The following MCPH1 variants were observed in gnomAD, a reference collection of about 807,000 sequenced individuals.
MCPH1 encodes the protein microcephalin.
A neutral mutation model predicts 84.5 loss-of-function variants in MCPH1; 104 were observed. The observed-to-expected ratio is 1.23, with a 90% CI of 1.05 to 1.45. The LOEUF (loss-of-function observed/expected upper bound fraction) is 1.45, where lower values mean the gene tolerates loss of function less well. Ranked by LOEUF, MCPH1 falls within the 40% of genes most tolerant of loss-of-function variation. The pLI is 0.00. For missense variants in MCPH1, 1,498 were observed against 1,005.7 expected, an observed-to-expected ratio of 1.49 and a Z score of -6.62; for synonymous variants, 514 against 366.8, an observed-to-expected ratio of 1.40 and a Z score of -4.58.
intron 11 of MCPH1, among the ~76,000 whole-genome samples, chr8:6,497,241 G>C (rs1811336942): frequency 1.3e-5 from 2 of 151,848 alleles, no homozygotes; most frequent in South Asian, 4.1e-4. Context: ...AACACGTTGA[G>C]AGGCCGAAGC....
chr8:6,502,068 A>G (rs1359581068), intron 12 of MCPH1: 1 of 152,112 alleles, frequency 6.6e-6, no homozygotes, highest in Non-Finnish European at 1.5e-5. Flanking sequence ...TCTCAACCAG[A>G]AATTAAATTG....
intron 12 of MCPH1, chr8:6,615,968 G>A (rs779799083): frequency 1.3e-5 from 2 of 152,210 alleles, no homozygotes; most frequent in Non-Finnish European, 2.9e-5. Context: ...CGAGGAGGGT[G>A]TGAGTAGATT....
chr8:6,575,063 G>A (rs116587051), intron 12 of MCPH1, among the ~76,000 whole-genome samples: 1,534 of 152,268 alleles, frequency 0.01, 26 homozygotes, highest in African/African-American at 0.035. Context: ...GGGAGAGCTA[G>A]CAGAGAGGCA....
At chr8:6,520,088 T>A in intron 12 of MCPH1, 4 of 1,425,436 alleles carry the variant, frequency 2.8e-6, no homozygotes, top group Non-Finnish European at 3.8e-6. Context: ...TTTATTACTT[T>A]GGAATTCTTA....
rs958990157 is a variant in MCPH1 at position 6,645,709 on chromosome 8, C to G, written c.*2660C>G. On this transcript the variant is annotated 3_prime_UTR_variant, in exon 14 of 14. Transcript: ENST00000344683. The stretch of plus-strand genomic sequence containing the variant: ...TCCTAAAGATTATATACAAACCTAA[C>G]AGAATTGTATTTATATATACTGTCA... The G allele has an allele frequency of 2.7e-5, 4 of 146,002 alleles. No individual in the cohort carries two copies. The highest frequency in any genetic ancestry group is 1.0e-4 in the African/African-American group (4 of 39,176). 9.0% of individuals were successfully genotyped at this position (146,002 alleles called of 1,614,324 possible). A position where few individuals can be genotyped will look rare whatever the true frequency, so the allele number is the denominator to read the frequency against.
intron 5 of MCPH1, 64 bp downstream of exon 5, chr8:6,436,226 G>C: frequency 6.5e-7 from 1 of 1,530,826 alleles, no homozygotes; most frequent in South Asian, 1.1e-5. Flanking sequence ...TAATTTGCAT[G>C]ATGACTAGTG....
intron 11 of MCPH1, 70 bp downstream of exon 11, chr8:6,480,946 C>A: frequency 6.4e-7 from 1 of 1,556,924 alleles, no homozygotes; most frequent in Non-Finnish European, 8.8e-7. Context: ...CCTGAGGTGC[C>A]GACATCAGCA....
At chr8:6,617,552 G>A (rs1156356272) in intron 12 of MCPH1, among the ~76,000 whole-genome samples, 4 of 152,028 alleles carry the variant, frequency 2.6e-5, no homozygotes, top group East Asian at 1.9e-4. Flanking sequence ...CCGAGCCATC[G>A]TTCCCCAACT....
At chr8:6,604,501 C>G (rs944378523) in intron 12 of MCPH1, among the ~76,000 whole-genome samples, 1 of 150,968 alleles carries the variant, frequency 6.6e-6, no homozygotes, top group East Asian at 2.4e-4. Flanking sequence ...CTCCAGCCTA[C>G]GTTTGCTGTT....
At chr8:6,613,415 G>A (rs1450511118) in intron 12 of MCPH1, among the ~76,000 whole-genome samples, 1 of 152,168 alleles carries the variant, frequency 6.6e-6, no homozygotes, top group Non-Finnish European at 1.5e-5. Flanking sequence ...GTTTGACTCA[G>A]TCTGACGTGG....
Position 6,644,870 on chromosome 8 carries a change from T to C in MCPH1, c.*1821T>C, listed in dbSNP as rs905992008. ...GCATTGTATAGGAATTGGCATTCTA[T>C]AGAAAACCACAGAAACTGGAAATAA... On this transcript the variant is annotated 3_prime_UTR_variant, in exon 14 of 14. Coordinates refer to ENST00000344683, the MANE Select transcript of MCPH1 (RefSeq NM_024596.5). 2.0e-5 allele frequency: 3 copies of C among 152,210 alleles called. No individual in the cohort carries two copies. The highest frequency in any genetic ancestry group is 7.2e-5 in the African/African-American group (3 of 41,462). The allele number at this position is 152,210 out of a possible 1,614,324, so 9.4% of individuals were successfully genotyped here.
In MCPH1 at chr8:6,479,417, T is replaced by G. The variant is rs1586015727; in HGVS notation, c.1974-1297T>G. On this transcript the variant is annotated intron_variant, in intron 10 of 13. Coordinates refer to ENST00000344683, the MANE Select transcript of MCPH1 (RefSeq NM_024596.5). ...ATTTCTTTTTCTATTTATTTATTTA[T>G]TTATTTATTTATTTATTTATTTATT... is the stretch of plus-strand genomic sequence containing the variant. 3.4e-5 allele frequency among the ~76,000 whole-genome samples: 5 copies of G among 146,384 alleles called. No individual in the cohort carries two copies. The South Asian group carries it at 1.1e-3, about 32-fold the overall frequency.
intron 3 of MCPH1, among the ~76,000 whole-genome samples, chr8:6,418,781 C>A (rs1233665424): frequency 6.6e-6 from 1 of 152,030 alleles, no homozygotes; most frequent in Non-Finnish European, 1.5e-5. Context: ...GGGGTTTCAC[C>A]ATGTTGGCCA....
At chr8:6,527,166 A>G (rs1041999701) in intron 12 of MCPH1, among the ~76,000 whole-genome samples, 3 of 152,178 alleles carry the variant, frequency 2.0e-5, no homozygotes, top group Admixed American at 2.0e-4. Flanking sequence ...GTATTTTTAT[A>G]ATAGATTAGC....
At chr8:6,497,870 A>G (rs1462231642) in intron 11 of MCPH1, among the ~76,000 whole-genome samples, 1 of 152,244 alleles carries the variant, frequency 6.6e-6, no homozygotes, top group Non-Finnish European at 1.5e-5. Flanking sequence ...ACATAGGTAC[A>G]TTAAGTTGAA....
intron 11 of MCPH1, among the ~76,000 whole-genome samples, chr8:6,495,839 T>C (rs1277580400): frequency 6.6e-6 from 1 of 152,224 alleles, no homozygotes; most frequent in Non-Finnish European, 1.5e-5. Context: ...ACTTTTGAAC[T>C]GTTTGAAATC....
chr8:6,589,943 G>C (rs868462851), intron 12 of MCPH1, among the ~76,000 whole-genome samples: 2 of 152,170 alleles, frequency 1.3e-5, no homozygotes, highest in Admixed American at 6.5e-5. Flanking sequence ...TAAAAGACTA[G>C]TTTTACTCTA....
At chr8:6,579,866 G>A (rs537622438) in intron 12 of MCPH1, among the ~76,000 whole-genome samples, 1 of 152,250 alleles carries the variant, frequency 6.6e-6, no homozygotes, top group South Asian at 2.1e-4. Flanking sequence ...GGGCTATGTC[G>A]CCAATGCCAC....
chr8:6,509,608 T>A (rs991850518), intron 12 of MCPH1, among the ~76,000 whole-genome samples: 2 of 152,244 alleles, frequency 1.3e-5, no homozygotes, highest in African/African-American at 4.8e-5. Flanking sequence ...AATTAAACTT[T>A]TAGACATTGA....
Sources: allele counts gnomAD v4.1 joint callset (sites outside exome capture counted in the v4.1 genomes callset), GRCh38; gene constraint gnomAD v4.1.1; transcripts MANE v1.5; gene names NCBI Gene and HGNC (gene_info 2026-07-23, HGNC 2026-07-21).